Variants in MAN2B2 observed in about 807,000 individuals in gnomAD.
MAN2B2 encodes mannosidase alpha class 2B member 2, also known as epididymis-specific alpha-mannosidase.
A neutral mutation model predicts 117.1 loss-of-function variants in MAN2B2; 106 were observed. The ratio of observed to expected loss-of-function variants is 0.90; its 90% CI spans 0.77 to 1.06. The LOEUF (loss-of-function observed/expected upper bound fraction) is 1.06. MAN2B2 is among the 50% of genes least tolerant of loss of function. MAN2B2 has a pLI of 0.00. For missense variants in MAN2B2, 1,326 were observed against 1,381.4 expected (o/e 0.96, Z 0.64); for synonymous variants, 544 against 595.1 (o/e 0.91, Z 1.25).
chr4:6,579,289 T>TCACCAC (rs1560634982), intron 3 of MAN2B2, among the ~76,000 whole-genome samples: 4 of 14,870 alleles, frequency 2.7e-4, no homozygotes, highest in African/African-American at 8.9e-4. Flanking sequence ...ACCATCACCA[T>TCACCAC]CACCACCACC....
intron 12 of MAN2B2, 109 bp downstream of exon 12, chr4:6,609,407 G>A (rs1293336719): frequency 2.8e-5 from 31 of 1,090,718 alleles, no homozygotes; most frequent in Middle Eastern, 3.1e-4. Context: ...CTTCCGGGCC[G>A]TGGTTGACAC....
At chr4:6,598,714 G>A (rs1727206223) in intron 9 of MAN2B2, among the ~76,000 whole-genome samples, 1 of 152,246 alleles carries the variant, frequency 6.6e-6, no homozygotes, top group Non-Finnish European at 1.5e-5. Flanking sequence ...ACGGACTCAA[G>A]TTATATGCTA....
At position 6,621,633 on chromosome 4, in the gene MAN2B2, C is replaced by A. The variant is rs1188573918; in HGVS notation, c.*348C>A. The A allele has an allele frequency of 1.3e-4, 25 of 188,054 alleles. No homozygotes were observed. In the Admixed American group the frequency reaches 1.4e-3, roughly 11 times the overall value. The allele number at this position is 188,054 out of a possible 1,614,324, so 11.6% of individuals were successfully genotyped here. ...CAAGACTCACAGCAGCACCGAAGCG[C>A]ATCTGCCGTCCGGGCCCTGCCAGGC... On this transcript the variant is annotated 3_prime_UTR_variant, in exon 19 of 19. Transcript: ENST00000285599.
chr4:6,596,080 G>A (rs1727065331), intron 7 of MAN2B2, among the ~76,000 whole-genome samples: 1 of 151,706 alleles, frequency 6.6e-6, no homozygotes, highest in South Asian at 2.1e-4. Flanking sequence ...AGCAGGTAGG[G>A]ATATACCCGA....
At chr4:6,585,542 G>A (rs758327501) in intron 3 of MAN2B2, among the ~76,000 whole-genome samples, 3 of 152,314 alleles carry the variant, frequency 2.0e-5, no homozygotes, top group South Asian at 2.1e-4. Context: ...ATGAATAAAT[G>A]AATGGTTGGG....
intron 17 of MAN2B2, chr4:6,617,777 C>A (rs1711963901): frequency 2.8e-6 from 1 of 352,130 alleles, no homozygotes; most frequent in Admixed American, 4.8e-5. Flanking sequence ...GCCTCCCTGG[C>A]TCAAGTGATC....
chr4:6,617,912 C>A lies in MAN2B2; in HGVS notation c.2814+420C>A, dbSNP rs1711977156. Reference sequence around the variant, plus strand: ...CCCCAGGCTGGAGTGCAATGGTGCGCTCTCAGCTGGCTGCAACCTCCATCT... The same window carrying A: ...CCCCAGGCTGGAGTGCAATGGTGCGATCTCAGCTGGCTGCAACCTCCATCT... On this transcript the variant is annotated intron_variant, in intron 17 of 18. Transcript: ENST00000285599. The A allele has an allele frequency of 4.7e-5, 9 of 192,892 alleles. No homozygotes were observed. The South Asian group carries it at 7.7e-4, about 17-fold the overall frequency. 11.9% of individuals were successfully genotyped at this position (192,892 alleles called of 1,614,324 possible).
At chr4:6,605,808 C>T (rs1371665529) in intron 11 of MAN2B2, among the ~76,000 whole-genome samples, 1 of 152,002 alleles carries the variant, frequency 6.6e-6, no homozygotes, top group Non-Finnish European at 1.5e-5. Context: ...ACCCACTTAC[C>T]CATCCATCCA....
In MAN2B2 at chr4:6,610,937, T is replaced by C; in HGVS notation, c.2317T>C (p.Leu773=). The change falls in exon 14 of 19, where the codon TTG becomes CTG. Residue 773 remains leucine, a synonymous_variant. Transcript: ENST00000285599. The part of the protein sequence containing the change: ...FMEDGKSRLV[L]LSERAHGISS... ...GGAGGATGGCAAAAGCAGGCTTGTG[T>C]TGCTGTCGGAGCGGGCACATGGCAT... is the stretch of plus-strand genomic sequence containing the variant. 1.9e-6 allele frequency: 3 copies of C among 1,614,232 alleles called. No homozygotes were observed. Among genetic ancestry groups the C allele is most frequent in the Non-Finnish European group, 2.5e-6 (3 of 1,180,016 alleles).
Position 6,605,448 on chromosome 4 carries a change from A to C in MAN2B2, c.1814+119A>C, listed in dbSNP as rs974647331. The C allele has an allele frequency of 5.2e-6, 6 of 1,148,740 alleles. No homozygotes were observed. In the African/African-American group the frequency reaches 9.4e-5, roughly 18 times the overall value. 71.2% of individuals were successfully genotyped at this position (1,148,740 alleles called of 1,614,324 possible). A position where few individuals can be genotyped will look rare whatever the true frequency, so the allele number is the denominator to read the frequency against. On this transcript the variant is annotated intron_variant, in intron 11 of 18. Coordinates refer to ENST00000285599, the MANE Select transcript of MAN2B2 (RefSeq NM_015274.3). ...CTGGGGGAAGGACAGATGGTGGTGA[A>C]ACCCCTTCCTGCTATTGTGATCTTT...
chr4:6,603,623 CCT>C (rs1434530225), intron 10 of MAN2B2, among the ~76,000 whole-genome samples: 5 of 152,214 alleles, frequency 3.3e-5, no homozygotes, highest in Middle Eastern at 3.4e-3. Flanking sequence ...TCTGTCAGCC[CCT>C]GTTCTAGGCG....
At chr4:6,617,030 A>AC in intron 16 of MAN2B2, among the ~76,000 whole-genome samples, 1 of 152,314 alleles carries the variant, frequency 6.6e-6, no homozygotes, top group South Asian at 2.1e-4. Flanking sequence ...GCAGAAGGCA[A>AC]ATGAGGAGCA....
At chr4:6,614,039 A>T (rs1199878505) in intron 15 of MAN2B2, among the ~76,000 whole-genome samples, 179 bp from the exon 16 acceptor site, 1 of 152,140 alleles carries the variant, frequency 6.6e-6, no homozygotes, top group Non-Finnish European at 1.5e-5. Context: ...AAGGCAGGGA[A>T]GTGGAGGCCT....
chr4:6,601,005 A>G (rs563904452), intron 10 of MAN2B2, among the ~76,000 whole-genome samples: 6 of 152,096 alleles, frequency 3.9e-5, no homozygotes, highest in African/African-American at 1.2e-4. Context: ...GTGAGCACAG[A>G]CCCCACGAGT....
At chr4:6,593,860 G>A (rs1726960407) in intron 6 of MAN2B2, among the ~76,000 whole-genome samples, 1 of 152,122 alleles carries the variant, frequency 6.6e-6, no homozygotes, top group Non-Finnish European at 1.5e-5. Flanking sequence ...GAAGCAGGCT[G>A]GTATCCATTT....
intron 3 of MAN2B2, 55 bp downstream of exon 3, chr4:6,578,553 G>C: frequency 6.8e-7 from 1 of 1,479,354 alleles, no homozygotes; most frequent in Non-Finnish European, 9.3e-7. Flanking sequence ...GTGGGGCTGG[G>C]ACATGGTATC....
intron 3 of MAN2B2, among the ~76,000 whole-genome samples, chr4:6,579,042 TCACCACCATCACCAC>T (rs1726194309): frequency 2.0e-5 from 1 of 48,830 alleles, no homozygotes; most frequent in Non-Finnish European, 4.0e-5. Flanking sequence ...ACTACCACCA[TCACCACCATCACCAC>T]CACCATCACC....
At chr4:6,596,379 G>A (rs898785770) in intron 7 of MAN2B2, among the ~76,000 whole-genome samples, 3 of 152,168 alleles carry the variant, frequency 2.0e-5, no homozygotes, top group Admixed American at 6.5e-5. Context: ...CTCCCAGTCT[G>A]GTTCAGGACC....
rs1560103617 is a variant in MAN2B2, at chr4:6,617,672, GT to G, written c.2814+186del. The G allele has an allele frequency of 2.5e-6, 3 of 1,189,606 alleles. No homozygotes were observed. The African/African-American group carries it at 4.6e-5, about 18-fold the overall frequency. The allele number at this position is 1,189,606 out of a possible 1,614,324, so 73.7% of individuals were successfully genotyped here. On this transcript the variant is annotated intron_variant, in intron 17 of 18. Coordinates refer to ENST00000285599, the MANE Select transcript of MAN2B2 (RefSeq NM_015274.3). ...TTTGTCAGGTATTACAACTGGCCTG[GT>G]TTTTTAGGGTTTTTTGTGTATATGT...
Sources: allele counts gnomAD v4.1 joint callset (sites outside exome capture counted in the v4.1 genomes callset), GRCh38; gene constraint gnomAD v4.1.1; transcripts MANE v1.5; gene names NCBI Gene and HGNC (gene_info 2026-07-23, HGNC 2026-07-21).